Variants in OPHN1 observed in about 807,000 individuals in gnomAD.
OPHN1 encodes oligophrenin 1, also known as oligophrenin-1.
In OPHN1, 11 loss-of-function variants were observed where a neutral mutation model predicts 60.7. That is an observed-to-expected ratio of 0.18 (90% confidence interval 0.11 to 0.30). OPHN1 has a LOEUF of 0.30. OPHN1 is among the 10% of genes least tolerant of loss of function. OPHN1 has a pLI of 1.00. For synonymous variants in OPHN1, 226 were observed against 222.6 expected (o/e 1.02, Z -0.14); for missense variants, 449 against 611.0 (o/e 0.73, Z 2.80).
chrX:68,385,660 G>A (rs1048050165), intron 2 of OPHN1, among the ~76,000 whole-genome samples: 17 of 112,284 alleles, frequency 1.5e-4, no homozygotes, highest in African/African-American at 5.5e-4. Flanking sequence ...AGCATGACAA[G>A]AATAAGACCT....
chrX:68,426,552 TTA>T (rs765336463), intron 2 of OPHN1, among the ~76,000 whole-genome samples: 6 of 16,167 alleles, frequency 3.7e-4, no homozygotes, highest in Non-Finnish European at 1.5e-3. Context: ...GACATCTGTT[TTA>T]TATATATATA....
chrX:68,222,750 G>A (rs78094226), intron 6 of OPHN1, among the ~76,000 whole-genome samples: 16,171 of 90,263 alleles, frequency 0.18, 1,472 homozygotes, highest in African/African-American at 0.29. Context: ...GACACAGGAA[G>A]AGGAGTATCA....
chrX:68,273,009 G>A (rs1161695666), intron 5 of OPHN1, among the ~76,000 whole-genome samples: 2 of 111,421 alleles, frequency 1.8e-5, no homozygotes, highest in Non-Finnish European at 3.8e-5. Flanking sequence ...GGCTATGAGG[G>A]GAACTCACTT....
chrX:68,432,557 G>C (rs1426653394), intron 2 of OPHN1, among the ~76,000 whole-genome samples: 1 of 111,842 alleles, frequency 8.9e-6, no homozygotes, highest in Non-Finnish European at 1.9e-5. Context: ...ATGTCTAACA[G>C]TACAGCAGAT....
At chrX:68,413,269 G>C (rs750715820) in intron 2 of OPHN1, among the ~76,000 whole-genome samples, 23 of 111,777 alleles carry the variant, frequency 2.1e-4, no homozygotes, top group Non-Finnish European at 4.1e-4. Context: ...TGTATATTCT[G>C]TGAGATGATT....
At chrX:68,406,058 G>C (rs1233573973) in intron 2 of OPHN1, among the ~76,000 whole-genome samples, 1 of 108,153 alleles carries the variant, frequency 9.2e-6, no homozygotes, top group Admixed American at 1.0e-4. Context: ...TGAGGCACAA[G>C]AATCGCGTGA....
At chrX:68,067,755 G>A (rs902387949) in intron 20 of OPHN1, among the ~76,000 whole-genome samples, 4 of 110,936 alleles carry the variant, frequency 3.6e-5, no homozygotes, top group South Asian at 3.9e-4. Flanking sequence ...AGTCCATGAC[G>A]AGGGTGAAAG....
chrX:68,232,847 A>C (rs963892562), intron 6 of OPHN1, among the ~76,000 whole-genome samples: 4 of 111,298 alleles, frequency 3.6e-5, no homozygotes, highest in Non-Finnish European at 7.5e-5. Context: ...GGAAAATGAT[A>C]GAAGATCCCA....
intron 15 of OPHN1, among the ~76,000 whole-genome samples, chrX:68,157,927 G>A (rs963632539): frequency 8.9e-6 from 1 of 112,024 alleles, no homozygotes; most frequent in Non-Finnish European, 1.9e-5. Flanking sequence ...GAGAGATAAA[G>A]AGGTGCTATT....
chrX:68,350,475 C>T (rs1222433577), intron 2 of OPHN1, among the ~76,000 whole-genome samples: 1 of 78,438 alleles, frequency 1.3e-5, no homozygotes, highest in African/African-American at 6.6e-5. Flanking sequence ...TTCCTTCCTC[C>T]CTCCCTCCCT....
At chrX:68,123,451 G>A (rs2077157876) in intron 15 of OPHN1, among the ~76,000 whole-genome samples, 1 of 111,818 alleles carries the variant, frequency 8.9e-6, no homozygotes, top group Admixed American at 9.5e-5. Flanking sequence ...CACCGTAACT[G>A]TAATGTGTAA....
At chrX:68,293,607 G>A (rs893654605) in intron 3 of OPHN1, among the ~76,000 whole-genome samples, 1 of 112,194 alleles carries the variant, frequency 8.9e-6, no homozygotes, top group Non-Finnish European at 1.9e-5. Context: ...TTCTGGAAAA[G>A]ATGTAGCAAG....
chrX:68,363,355 G>A (rs1426305048), intron 2 of OPHN1, among the ~76,000 whole-genome samples: 2 of 111,345 alleles, frequency 1.8e-5, no homozygotes, highest in African/African-American at 6.5e-5. Context: ...TGTCACCCAA[G>A]CTGGAGTGCA....
At position 68,045,313 on chromosome X, in the gene OPHN1, G is replaced by A. The variant is rs2076828839; in HGVS notation, c.*1859C>T. 8.9e-6 allele frequency: 1 copy of A among 112,164 alleles called. No individual in the cohort carries two copies. Among genetic ancestry groups the A allele is most frequent in the African/African-American group, 3.2e-5 (1 of 30,838 alleles). The allele number at this position is 112,164 out of a possible 1,213,427, so 9.2% of individuals were successfully genotyped here. ...AATTACTTTCAAAAAGGCTCTCAGT[G>A]TACTTGGCCTTACATGTTCCTAACT... On this transcript the variant is annotated 3_prime_UTR_variant, in exon 25 of 25. Coordinates refer to ENST00000355520, the MANE Select transcript of OPHN1 (RefSeq NM_002547.3).
At chrX:68,379,315 A>T (rs1465941694) in intron 2 of OPHN1, among the ~76,000 whole-genome samples, 1 of 111,769 alleles carries the variant, frequency 8.9e-6, no homozygotes, top group Non-Finnish European at 1.9e-5. Context: ...CCTATCAGCT[A>T]AAGGAGATTT....
chrX:68,155,799 G>A (rs1340291571), intron 15 of OPHN1, among the ~76,000 whole-genome samples: 1 of 111,905 alleles, frequency 8.9e-6, no homozygotes, highest in Non-Finnish European at 1.9e-5. Flanking sequence ...TGAAGACTGG[G>A]ATAATGTAGA....
chrX:68,343,643 A>G (rs2078365725), intron 2 of OPHN1, among the ~76,000 whole-genome samples: 1 of 110,442 alleles, frequency 9.1e-6, no homozygotes, highest in Admixed American at 9.7e-5. Context: ...GTGGGTTGCA[A>G]TGAGGATAAG....
At position 68,042,841 on chromosome X, in the gene OPHN1, T is replaced by C. The variant is rs1213382114; in HGVS notation, c.*4331A>G. 1.8e-5 allele frequency: 1 copy of C among 54,850 alleles called. No individual in the cohort carries two copies. Among genetic ancestry groups the C allele is most frequent in the Non-Finnish European group, 3.3e-5 (1 of 30,199 alleles). The allele number at this position is 54,850 out of a possible 1,213,427, so 4.5% of individuals were successfully genotyped here. The stretch of plus-strand genomic sequence containing the variant: ...TTCCTCAGGGATCTAGAACTAGAAA[T>C]ACCATTTGACCCAGCCATCCCATTA... On this transcript the variant is annotated 3_prime_UTR_variant, in exon 25 of 25. Coordinates refer to ENST00000355520, the MANE Select transcript of OPHN1 (RefSeq NM_002547.3).
chrX:68,072,129 G>C (rs1007414105), intron 20 of OPHN1, among the ~76,000 whole-genome samples: 7 of 111,971 alleles, frequency 6.3e-5, no homozygotes, highest in African/African-American at 2.3e-4. Context: ...TACTTAGATG[G>C]AGGAGACCAG....
Sources: gnomAD v4.1 joint callset for allele counts (sites outside exome capture counted in the v4.1 genomes callset) on GRCh38, gnomAD v4.1.1 for gene constraint, MANE v1.5 for transcripts, NCBI Gene and HGNC (gene_info 2026-07-23, HGNC 2026-07-21) for gene names.